The following IQCK variants were observed in gnomAD, a reference collection of about 807,000 sequenced individuals.
IQCK encodes the protein IQ motif containing K, also known as IQ domain-containing protein K.
Under a neutral mutation model 28.1 loss-of-function variants are expected in IQCK, and 29 were observed. That is an observed-to-expected ratio of 1.03 (90% CI 0.77 to 1.41). IQCK has a LOEUF of 1.41. Among genes scored for constraint, IQCK ranks in the 40% most tolerant of loss-of-function variants. The pLI is 0.00. For missense variants in IQCK, 359 were observed against 314.7 expected, an observed-to-expected ratio of 1.14 and a Z score of -1.07; for synonymous variants, 113 against 115.1, an observed-to-expected ratio of 0.98 and a Z score of 0.12.
At chr16:19,719,113 T>C (rs528644813) in intron 1 of IQCK, among the ~76,000 whole-genome samples, 2 of 152,200 alleles carry the variant, frequency 1.3e-5, no homozygotes, top group South Asian at 4.1e-4. Flanking sequence ...GTCTGCAAAG[T>C]GGGCATAATA....
chr16:19,835,638 G>A (rs1368039421), intron 9 of IQCK, among the ~76,000 whole-genome samples: 1 of 146,688 alleles, frequency 6.8e-6, no homozygotes, highest in Non-Finnish European at 1.5e-5. Flanking sequence ...AGACTGAAGT[G>A]CAGTGGCACA....
intron 1 of IQCK, among the ~76,000 whole-genome samples, chr16:19,725,906 G>T (rs1004817097): frequency 8.0e-5 from 12 of 150,648 alleles, no homozygotes; most frequent in African/African-American, 3.0e-4. Flanking sequence ...ACTCCTGAGA[G>T]ATTTCTTTTT....
At chr16:19,841,286 A>G (rs1329908156) in intron 9 of IQCK, among the ~76,000 whole-genome samples, 1 of 152,096 alleles carries the variant, frequency 6.6e-6, no homozygotes, top group Non-Finnish European at 1.5e-5. Context: ...TAGGAGGGAG[A>G]TGGGGGAGAC....
chr16:19,727,712 T>G (rs1012577651), intron 1 of IQCK, among the ~76,000 whole-genome samples: 46 of 152,202 alleles, frequency 3.0e-4, no homozygotes, highest in African/African-American at 9.6e-4. Flanking sequence ...ATTTGACATT[T>G]TCTTTCAATA....
intron 7 of IQCK, chr16:19,789,253 A>G (rs1471487295): frequency 8.2e-6 from 1 of 121,496 alleles, no homozygotes; most frequent in Admixed American, 8.3e-5. Context: ...AAAAGAAAAA[A>G]AAATACAAAA....
At chr16:19,818,012 A>G (rs1374673764) in intron 7 of IQCK, among the ~76,000 whole-genome samples, 1 of 152,202 alleles carries the variant, frequency 6.6e-6, no homozygotes, top group African/African-American at 2.4e-5. Context: ...GTCGCGGTCC[A>G]GAAGTATGGG....
chr16:19,790,536 C>T (rs79744054), intron 7 of IQCK, among the ~76,000 whole-genome samples: 2,726 of 116,164 alleles, frequency 0.023, 514 homozygotes, highest in South Asian at 0.054. Context: ...CTATACACAG[C>T]TGATGTAGGA....
intron 9 of IQCK, among the ~76,000 whole-genome samples, chr16:19,841,218 G>C (rs1335199963): frequency 2.0e-5 from 3 of 152,144 alleles, no homozygotes; most frequent in Admixed American, 1.3e-4. Context: ...ACTGTCACTG[G>C]TAATACTTTG....
chr16:19,840,245 A>T (rs2056349582), intron 9 of IQCK, among the ~76,000 whole-genome samples: 1 of 151,984 alleles, frequency 6.6e-6, no homozygotes, highest in Non-Finnish European at 1.5e-5. Flanking sequence ...AATCTCAGCT[A>T]CTTAGAAGGC....
At chr16:19,813,585 G>A (rs1430362310) in intron 7 of IQCK, among the ~76,000 whole-genome samples, 1 of 152,150 alleles carries the variant, frequency 6.6e-6, no homozygotes, top group Non-Finnish European at 1.5e-5. Flanking sequence ...AAGAGCAAGG[G>A]CTATAAACAA....
At chr16:19,790,431 C>T (rs564987555) in intron 7 of IQCK, among the ~76,000 whole-genome samples, 1 of 102,834 alleles carries the variant, frequency 9.7e-6, no homozygotes, top group East Asian at 2.5e-4. Context: ...CATCAGATAT[C>T]ATGGAATGAG....
At chr16:19,720,132 T>C (rs992894055) in intron 1 of IQCK, among the ~76,000 whole-genome samples, 1 of 152,214 alleles carries the variant, frequency 6.6e-6, no homozygotes, top group African/African-American at 2.4e-5. Context: ...AGGAAGAGAA[T>C]AGTAGACTCA....
At chr16:19,730,753 C>CT (rs1415998711) in intron 2 of IQCK, among the ~76,000 whole-genome samples, 1 of 123,032 alleles carries the variant, frequency 8.1e-6, no homozygotes, top group Non-Finnish European at 1.5e-5. Flanking sequence ...GTCTATCTAT[C>CT]TATCTTATCT....
intron 7 of IQCK, among the ~76,000 whole-genome samples, chr16:19,824,432 G>A (rs1381858798): frequency 6.6e-6 from 1 of 152,130 alleles, no homozygotes; most frequent in East Asian, 1.9e-4. Flanking sequence ...CTGCTCACTC[G>A]CCACTCACCT....
chr16:19,723,680 G>C (rs140811961), intron 1 of IQCK, among the ~76,000 whole-genome samples: 31 of 152,228 alleles, frequency 2.0e-4, no homozygotes, highest in African/African-American at 6.7e-4. Context: ...CTGGCCGGGC[G>C]TGGTAGCTCA....
At chr16:19,720,428 GT>G (rs904104804) in intron 1 of IQCK, among the ~76,000 whole-genome samples, 1 of 152,200 alleles carries the variant, frequency 6.6e-6, no homozygotes, top group African/African-American at 2.4e-5. Context: ...CTAGAGGATT[GT>G]TAGAAAAGTT....
At chr16:19,740,892 C>T (rs7187829) in intron 4 of IQCK, among the ~76,000 whole-genome samples, 7,789 of 151,142 alleles carry the variant, frequency 0.052, 659 homozygotes, top group African/African-American at 0.18. Flanking sequence ...GGCTTGAATC[C>T]GAGAGGCAGA....
intron 7 of IQCK, among the ~76,000 whole-genome samples, chr16:19,807,649 G>A (rs1178485328): frequency 6.6e-6 from 1 of 152,134 alleles, no homozygotes; most frequent in African/African-American, 2.4e-5. Flanking sequence ...CAGCCCTATG[G>A]GTGACAGCCT....
At position 19,790,733 on chromosome 16, in the gene IQCK, C is replaced by G. The variant is rs950181600; in HGVS notation, c.690+1811C>G. On this transcript the variant is annotated intron_variant, in intron 7 of 7. Transcript: ENST00000564186. ...CCATTCCTTTTGTACATGGTACATT[C>G]CAGAAACCATGGGCTAAAGGGAAGT... 1.9e-5 allele frequency among the ~76,000 whole-genome samples: 2 copies of G among 104,940 alleles called. 1 individual carries two copies. Among genetic ancestry groups the G allele is most frequent in the African/African-American group, 2.2e-4 (2 of 9,234 alleles). The allele number at this position is 104,940 out of a possible 152,430, so 68.8% of individuals were successfully genotyped here.
Sources: allele counts gnomAD v4.1 joint callset (sites outside exome capture counted in the v4.1 genomes callset), GRCh38; gene constraint gnomAD v4.1.1; transcripts MANE v1.5; gene names NCBI Gene and HGNC (gene_info 2026-07-23, HGNC 2026-07-21).